Variants in TJP2 observed in about 807,000 individuals in gnomAD.
TJP2 encodes the protein tight junction protein 2, also known as Friedreich ataxia region gene X104 (tight junction protein ZO-2).
In TJP2, 91 loss-of-function variants were observed where a neutral mutation model predicts 133.1. The observed-to-expected ratio is 0.68, with a 90% CI of 0.58 to 0.81. The LOEUF (loss-of-function observed/expected upper bound fraction) is 0.81, where lower values mean the gene tolerates loss of function less well. Among genes scored for constraint, TJP2 ranks in the 40% least tolerant of loss-of-function variants. The pLI is 0.00. For synonymous variants in TJP2, 592 were observed against 583.4 expected, an observed-to-expected ratio of 1.01 and a Z score of -0.21; for missense variants, 1,541 against 1,565.6, an observed-to-expected ratio of 0.98 and a Z score of 0.26.
upstream of TJP2, among the ~76,000 whole-genome samples, chr9:69,169,758 C>G (rs1005051240): frequency 3.3e-5 from 5 of 151,970 alleles, no homozygotes; most frequent in Admixed American, 1.3e-4. Flanking sequence ...TACACACACA[C>G]AGATATGTTT....
At chr9:69,160,981 A>T (rs1587935866) in intron 2 of TJP2, among the ~76,000 whole-genome samples, 2 of 152,274 alleles carry the variant, frequency 1.3e-5, no homozygotes, top group East Asian at 3.9e-4. Context: ...GCCAAACCAT[A>T]TCAGATGGAG....
At chr9:69,202,514 C>T (rs1236011958) in intron 1 of TJP2, among the ~76,000 whole-genome samples, 2 of 152,198 alleles carry the variant, frequency 1.3e-5, no homozygotes, top group Admixed American at 6.5e-5. Context: ...CAAAACTTAA[C>T]TAATAGCTTG....
intron 16 of TJP2, among the ~76,000 whole-genome samples, chr9:69,239,550 C>T (rs770071419): frequency 1.3e-5 from 2 of 152,160 alleles, no homozygotes; most frequent in African/African-American, 2.4e-5. Context: ...GTGGCTCATG[C>T]CTGTAATCCC....
At chr9:69,164,875 G>C (rs1824266829) in intron 2 of TJP2, among the ~76,000 whole-genome samples, 1 of 152,146 alleles carries the variant, frequency 6.6e-6, no homozygotes. Context: ...TGTTGCTCAG[G>C]CTGGAGTGTA....
chr9:69,213,054 CATT>C (rs1483460242), intron 2 of TJP2, among the ~76,000 whole-genome samples: 2 of 130,344 alleles, frequency 1.5e-5, no homozygotes, highest in East Asian at 4.4e-4. Flanking sequence ...CGTGGTTCTG[CATT>C]TTTTTTTTTT....
chr9:69,158,211 C>G (rs1365777986), intron 2 of TJP2, among the ~76,000 whole-genome samples: 4 of 151,358 alleles, frequency 2.6e-5, no homozygotes, highest in Non-Finnish European at 5.9e-5. Context: ...CCCAGCTATC[C>G]CAGCTACTCG....
At chr9:69,164,085 T>A (rs1268624341) in intron 2 of TJP2, among the ~76,000 whole-genome samples, 1 of 152,154 alleles carries the variant, frequency 6.6e-6, no homozygotes, top group Non-Finnish European at 1.5e-5. Flanking sequence ...GAGCCACGTT[T>A]TCAATTTTTA....
At chr9:69,179,353 TA>T (rs1825321892) in intron 1 of TJP2, among the ~76,000 whole-genome samples, 1 of 152,210 alleles carries the variant, frequency 6.6e-6, no homozygotes, top group Non-Finnish European at 1.5e-5. Context: ...TTGCAGACCA[TA>T]GTCAGATACA....
At chr9:69,209,704 A>T (rs1409337470) in intron 1 of TJP2, among the ~76,000 whole-genome samples, 1 of 151,346 alleles carries the variant, frequency 6.6e-6, no homozygotes, top group Non-Finnish European at 1.5e-5. Context: ...CAGTGAGCCC[A>T]GATCGTGCCA....
chr9:69,237,730 T>C, intron 14 of TJP2, 148 bp from the exon 15 acceptor site: 1 of 667,876 alleles, frequency 1.5e-6, no homozygotes, highest in Non-Finnish European at 2.7e-6. Context: ...TGAAGGCATA[T>C]TCTTCAGAAC....
chr9:69,247,583 A>G (rs1184577782), intron 18 of TJP2, among the ~76,000 whole-genome samples: 1 of 152,180 alleles, frequency 6.6e-6, no homozygotes, highest in African/African-American at 2.4e-5. Context: ...GGACAGGTTG[A>G]ACAGGACATA....
chr9:69,236,302 G>T (rs901106873), intron 13 of TJP2, 64 bp downstream of exon 13: 1 of 1,536,850 alleles, frequency 6.5e-7, no homozygotes, highest in Non-Finnish European at 8.9e-7. Context: ...ACTAGAGACC[G>T]CCCCCCTTCC....
chr9:69,252,550 T>C (rs780828785), intron 21 of TJP2, among the ~76,000 whole-genome samples: 13 of 152,232 alleles, frequency 8.5e-5, no homozygotes, highest in South Asian at 2.1e-4. Context: ...GTGATTGGCT[T>C]ATTTCCCTTA....
rs186912117 is a variant in TJP2 at position 69,162,088 on chromosome 9, T to C, written c.-10+10317T>C. Among the ~76,000 whole-genome samples the C allele has an allele frequency of 2.9e-3, 435 of 148,330 alleles. 2 individuals are homozygous for C. Among genetic ancestry groups the C allele is most frequent in the African/African-American group, 0.01 (411 of 40,918 alleles). Reference sequence around the variant, plus strand: ...ACAGCATATAATTATACAAATTATATTTTTATAAAATTGTATTATATAATA... The same window carrying C: ...ACAGCATATAATTATACAAATTATACTTTTATAAAATTGTATTATATAATA... On this transcript the variant is annotated intron_variant, in intron 2 of 5. Coordinates refer to the TJP2 transcript ENST00000423935.
chr9:69,193,788 A>C (rs1179507064), intron 1 of TJP2, among the ~76,000 whole-genome samples: 1 of 151,476 alleles, frequency 6.6e-6, no homozygotes, highest in Non-Finnish European at 1.5e-5. Context: ...CATTTGATAC[A>C]GGAAACCTCA....
chr9:69,235,220 A>C (rs1244648177), intron 12 of TJP2, among the ~76,000 whole-genome samples: 1 of 152,220 alleles, frequency 6.6e-6, no homozygotes, highest in African/African-American at 2.4e-5. Context: ...GTGTAGTTCC[A>C]GTACCAAGTC....
At chr9:69,230,489 T>A (rs1046414346) in intron 11 of TJP2, among the ~76,000 whole-genome samples, 4 of 152,216 alleles carry the variant, frequency 2.6e-5, no homozygotes, top group Admixed American at 6.6e-5. Flanking sequence ...GTCTGATTAA[T>A]GTGAAAATAT....
At chr9:69,190,975 G>T (rs1725571009) in intron 1 of TJP2, among the ~76,000 whole-genome samples, 1 of 152,098 alleles carries the variant, frequency 6.6e-6, no homozygotes, top group African/African-American at 2.4e-5. Context: ...CCTCCTGGAA[G>T]CAGGGTGTTG....
chr9:69,236,913 G>C, intron 13 of TJP2, 36 bp from the exon 14 acceptor site: 1 of 1,611,150 alleles, frequency 6.2e-7, no homozygotes, highest in Non-Finnish European at 8.5e-7. Context: ...TGCGTTTTCT[G>C]GCTTTAGAGA....
Sources: gnomAD v4.1 joint callset for allele counts (sites outside exome capture counted in the v4.1 genomes callset) on GRCh38, gnomAD v4.1.1 for gene constraint, MANE v1.5 for transcripts, NCBI Gene and HGNC (gene_info 2026-07-23, HGNC 2026-07-21) for gene names.